The following CELF4 variants were observed in gnomAD, a reference collection of about 807,000 sequenced individuals.
The protein encoded by CELF4 is CUG-BP- and ETR-3-like factor 4.
In CELF4, 18 loss-of-function variants were observed where a neutral mutation model predicts 59.9. That is an observed-to-expected ratio of 0.30 (90% CI 0.21 to 0.45). The LOEUF (loss-of-function observed/expected upper bound fraction) is 0.45. Among genes scored for constraint, CELF4 ranks in the 20% least tolerant of loss-of-function variants. The pLI, the probability that CELF4 is intolerant of heterozygous loss-of-function variation, is 1.00. For synonymous variants in CELF4, 261 were observed against 267.1 expected, an observed-to-expected ratio of 0.98 and a Z score of 0.22; for missense variants, 456 against 689.0, an observed-to-expected ratio of 0.66 and a Z score of 3.79.
At chr18:37,528,531 T>G (rs1489974758) in intron 1 of CELF4, among the ~76,000 whole-genome samples, 1 of 152,230 alleles carries the variant, frequency 6.6e-6, no homozygotes, top group African/African-American at 2.4e-5. Context: ...TACATGCTGA[T>G]TTGGAAAGAT....
At chr18:37,553,945 ACCCTC>A (rs2099984010) in intron 1 of CELF4, among the ~76,000 whole-genome samples, 2 of 151,962 alleles carry the variant, frequency 1.3e-5, no homozygotes, top group African/African-American at 4.8e-5. Context: ...GGAAAGAGGA[ACCCTC>A]CCCTCACACG....
intron 2 of CELF4, among the ~76,000 whole-genome samples, chr18:37,417,281 A>G (rs1022156282): frequency 1.3e-5 from 2 of 152,100 alleles, no homozygotes; most frequent in African/African-American, 2.4e-5. Flanking sequence ...TTCAGCAATG[A>G]GCAGTCACTG....
At chr18:37,554,896 C>T (rs1486521365) in intron 1 of CELF4, among the ~76,000 whole-genome samples, 7 of 152,148 alleles carry the variant, frequency 4.6e-5, no homozygotes, top group Admixed American at 3.9e-4. Flanking sequence ...GATGCAAAGG[C>T]TTTCCTTCTC....
At chr18:37,561,502 T>A (rs899197808) in intron 1 of CELF4, among the ~76,000 whole-genome samples, 9 of 152,172 alleles carry the variant, frequency 5.9e-5, no homozygotes, top group African/African-American at 2.2e-4. Flanking sequence ...AGCACTAGTC[T>A]TTATATCTCC....
At chr18:37,549,683 A>G (rs1304722362) in intron 1 of CELF4, among the ~76,000 whole-genome samples, 1 of 152,256 alleles carries the variant, frequency 6.6e-6, no homozygotes, top group Non-Finnish European at 1.5e-5. Flanking sequence ...AAAGTATTTT[A>G]CAGATTAAAA....
intron 1 of CELF4, among the ~76,000 whole-genome samples, chr18:37,559,801 T>A (rs2099985991): frequency 6.6e-6 from 1 of 152,336 alleles, no homozygotes. Context: ...AGGAAGATGC[T>A]ACTATTAGTG....
chr18:37,475,947 A>C (rs2099847637), intron 2 of CELF4, among the ~76,000 whole-genome samples: 1 of 152,292 alleles, frequency 6.6e-6, no homozygotes, highest in East Asian at 1.9e-4. Context: ...TCTCTTCTGA[A>C]ATATAATGGG....
intron 2 of CELF4, among the ~76,000 whole-genome samples, chr18:37,370,969 G>A (rs1361103696): frequency 1.3e-5 from 2 of 152,152 alleles, no homozygotes; most frequent in Non-Finnish European, 2.9e-5. Flanking sequence ...AATTCCATCC[G>A]GGGCAGCCAA....
chr18:37,285,976 A>G (rs1027469554), intron 3 of CELF4, among the ~76,000 whole-genome samples: 1 of 152,160 alleles, frequency 6.6e-6, no homozygotes, highest in African/African-American at 2.4e-5. Flanking sequence ...CACCCATCGC[A>G]GGATAATTTA....
At chr18:37,285,459 T>C (rs1237613705) in intron 3 of CELF4, among the ~76,000 whole-genome samples, 1 of 152,202 alleles carries the variant, frequency 6.6e-6, no homozygotes, top group Non-Finnish European at 1.5e-5. Context: ...AAGGGGTTTG[T>C]AGGGGTGCCT....
intron 7 of CELF4, among the ~76,000 whole-genome samples, chr18:37,272,633 G>A (rs2091856515): frequency 6.6e-6 from 1 of 151,444 alleles, no homozygotes; most frequent in Non-Finnish European, 1.5e-5. Context: ...CTTGGGCCAG[G>A]GGCTGAACAA....
chr18:37,400,264 GC>G (rs1248799843), intron 2 of CELF4, among the ~76,000 whole-genome samples: 3 of 152,158 alleles, frequency 2.0e-5, no homozygotes, highest in Admixed American at 6.5e-5. Flanking sequence ...ACTTGCCAGT[GC>G]CCCCACAATC....
chr18:37,313,687 T>C (rs1407886102), intron 3 of CELF4, among the ~76,000 whole-genome samples: 1 of 152,146 alleles, frequency 6.6e-6, no homozygotes, highest in Non-Finnish European at 1.5e-5. Flanking sequence ...AGACAACACA[T>C]TGTCTGTGTC....
chr18:37,397,536 G>C (rs893043241), intron 2 of CELF4, among the ~76,000 whole-genome samples: 5 of 152,184 alleles, frequency 3.3e-5, no homozygotes, highest in African/African-American at 4.8e-5. Flanking sequence ...GCATGGAGGA[G>C]TCCTGGGGAG....
At chr18:37,353,777 T>A (rs1322057747) in intron 2 of CELF4, among the ~76,000 whole-genome samples, 1 of 147,772 alleles carries the variant, frequency 6.8e-6, no homozygotes, top group East Asian at 2.0e-4. Context: ...CTTTTTTTTT[T>A]TTTTTTTGAG....
At chr18:37,445,514 G>A (rs2154601376) in intron 2 of CELF4, among the ~76,000 whole-genome samples, 1 of 152,076 alleles carries the variant, frequency 6.6e-6, no homozygotes, top group Non-Finnish European at 1.5e-5. Flanking sequence ...GTGGGGTAGT[G>A]CTGCCGCCAG....
intron 3 of CELF4, among the ~76,000 whole-genome samples, chr18:37,315,328 C>T (rs2096830603): frequency 1.3e-5 from 2 of 152,078 alleles, no homozygotes; most frequent in Non-Finnish European, 2.9e-5. Flanking sequence ...ACAAGATGAG[C>T]ACGGGCAGGT....
At chr18:37,461,958 A>G (rs2154602183) in intron 2 of CELF4, among the ~76,000 whole-genome samples, 1 of 152,282 alleles carries the variant, frequency 6.6e-6, no homozygotes, top group South Asian at 2.1e-4. Context: ...GGAAAATGGG[A>G]GGGTCATAGT....
intron 1 of CELF4, among the ~76,000 whole-genome samples, chr18:37,525,192 G>T (rs1044842885): frequency 3.3e-5 from 5 of 152,176 alleles, no homozygotes; most frequent in African/African-American, 1.2e-4. Context: ...GCGCTGGCCC[G>T]GCTGGAGGGA....
Sources: gnomAD v4.1 joint callset for allele counts (sites outside exome capture counted in the v4.1 genomes callset) on GRCh38, gnomAD v4.1.1 for gene constraint, MANE v1.5 for transcripts, NCBI Gene and HGNC (gene_info 2026-07-23, HGNC 2026-07-21) for gene names.